Variants in RNF13 observed in about 807,000 individuals in gnomAD.
RNF13 encodes the protein ring finger protein 13, also known as E3 ubiquitin-protein ligase RNF13.
RNF13 carries 19 observed loss-of-function variants against 37.7 expected under a neutral mutation model. The observed-to-expected ratio is 0.50, with a 90% CI of 0.35 to 0.74. The LOEUF (loss-of-function observed/expected upper bound fraction) is 0.74, where lower values mean the gene tolerates loss of function less well. RNF13 is among the 30% of genes least tolerant of loss of function. The pLI, the probability that RNF13 is intolerant of heterozygous loss-of-function variation, is 0.01. For missense variants in RNF13, 375 were observed against 453.0 expected (o/e 0.83, Z 1.56); for synonymous variants, 144 against 157.8 (o/e 0.91, Z 0.65).
At chr3:149,939,879 G>A in intron 8 of RNF13, 1 of 415,508 alleles carries the variant, frequency 2.4e-6, no homozygotes, top group African/African-American at 2.0e-5. Flanking sequence ...CGCGCAGGAT[G>A]GAATCACACC....
chr3:149,843,977 C>T (rs1315063554), intron 1 of RNF13, among the ~76,000 whole-genome samples: 1 of 152,170 alleles, frequency 6.6e-6, no homozygotes, highest in African/African-American at 2.4e-5. Context: ...ATTTTCCCTC[C>T]AAACTCTGTC....
chr3:149,961,797 T>A lies in RNF13; in HGVS notation c.*693T>A, dbSNP rs966075978. The A allele has an allele frequency of 6.5e-6, 1 of 153,464 alleles. No homozygotes were observed. The highest frequency in any genetic ancestry group is 1.5e-5 in the Non-Finnish European group (1 of 68,702). 9.5% of individuals were successfully genotyped at this position (153,464 alleles called of 1,614,324 possible). A position where few individuals can be genotyped will look rare whatever the true frequency, so the allele number is the denominator to read the frequency against. On this transcript the variant is annotated 3_prime_UTR_variant, in exon 10 of 10. Transcript: ENST00000392894. ...TGTCCTTAAGGGTTCTGTAGTGTTA[T>A]CAAAGCAAAAAGAAAATGCTGCATA...
intron 1 of RNF13, among the ~76,000 whole-genome samples, chr3:149,835,418 A>C: frequency 6.6e-6 from 1 of 151,434 alleles, no homozygotes; most frequent in Admixed American, 6.6e-5. Context: ...ATACACCTTC[A>C]CCCCCTCCTA....
rs779373816 is a variant in RNF13, at chr3:149,855,763, TA to T, written c.195+3169del. On this transcript the variant is annotated intron_variant, in intron 3 of 9. Coordinates refer to ENST00000392894, the MANE Select transcript of RNF13 (RefSeq NM_183381.3). Reference sequence around the variant, plus strand: ...CAAATTACCTTTGCAAAGGCTGTGCTAATTTATTCCCATTAACACTGTAGGA... The same window carrying T: ...CAAATTACCTTTGCAAAGGCTGTGCTATTTATTCCCATTAACACTGTAGGA... 4.1e-4 allele frequency among the ~76,000 whole-genome samples: 63 copies of T among 152,098 alleles called. 1 individual carries two copies. The highest frequency in any genetic ancestry group is 2.2e-4 in the Non-Finnish European group (15 of 67,992).
At chr3:149,835,633 T>TTTTG (rs1553751498) in intron 1 of RNF13, among the ~76,000 whole-genome samples, 1 of 138,746 alleles carries the variant, frequency 7.2e-6, no homozygotes, top group Non-Finnish European at 1.6e-5. Flanking sequence ...TAGTATTCCA[T>TTTTG]TGTGTGTGTG....
intron 6 of RNF13, among the ~76,000 whole-genome samples, chr3:149,905,824 T>G (rs1342420123): frequency 2.6e-5 from 4 of 152,224 alleles, no homozygotes; most frequent in African/African-American, 9.6e-5. Flanking sequence ...AACAATTTTA[T>G]TAAGATATAT....
chr3:149,831,269 A>G (rs1456506124), intron 1 of RNF13, among the ~76,000 whole-genome samples: 33 of 152,244 alleles, frequency 2.2e-4, no homozygotes, highest in African/African-American at 7.7e-4. Context: ...CTTGCACCAC[A>G]TGCCTGGAAA....
intron 5 of RNF13, among the ~76,000 whole-genome samples, chr3:149,896,758 C>T (rs926136060): frequency 7.9e-5 from 12 of 152,076 alleles, no homozygotes; most frequent in African/African-American, 1.9e-4. Context: ...GGATTACATT[C>T]GTGGGCCACC....
chr3:149,929,194 G>T (rs568370738), intron 8 of RNF13, among the ~76,000 whole-genome samples: 32 of 152,162 alleles, frequency 2.1e-4, no homozygotes, highest in Non-Finnish European at 4.4e-4. Flanking sequence ...GTTCCACATT[G>T]CTGGAGAAGC....
chr3:149,914,976 ATTG>A (rs1341722381), intron 7 of RNF13, among the ~76,000 whole-genome samples: 5 of 151,982 alleles, frequency 3.3e-5, no homozygotes, highest in East Asian at 1.9e-4. Context: ...ATGGATGTCT[ATTG>A]TTGTACCTCC....
chr3:149,865,703 T>C (rs1724743513), intron 3 of RNF13, among the ~76,000 whole-genome samples: 1 of 152,200 alleles, frequency 6.6e-6, no homozygotes, highest in East Asian at 1.9e-4. Flanking sequence ...AGATGAGCTT[T>C]CTCTCTGTCT....
intron 1 of RNF13, among the ~76,000 whole-genome samples, chr3:149,844,385 G>A (rs1722448986): frequency 6.6e-6 from 1 of 152,206 alleles, no homozygotes; most frequent in East Asian, 1.9e-4. Flanking sequence ...CCTCAAGCAA[G>A]TTGTGACAAC....
chr3:149,946,105 G>A (rs757056918), intron 8 of RNF13, among the ~76,000 whole-genome samples: 1 of 152,196 alleles, frequency 6.6e-6, no homozygotes, highest in Non-Finnish European at 1.5e-5. Context: ...GGCTTCAGAC[G>A]ATCAAATTTC....
At chr3:149,876,586 T>G (rs1712724676) in intron 4 of RNF13, among the ~76,000 whole-genome samples, 1 of 152,038 alleles carries the variant, frequency 6.6e-6, no homozygotes. Context: ...CTCGTAAGAA[T>G]TTACAAGTCC....
At chr3:149,854,014 T>C (rs1311859734) in intron 3 of RNF13, among the ~76,000 whole-genome samples, 1 of 151,898 alleles carries the variant, frequency 6.6e-6, no homozygotes, top group Non-Finnish European at 1.5e-5. Context: ...TTTGTATTTT[T>C]ATGTAGAGAT....
At chr3:149,945,965 GA>G (rs1480011191) in intron 8 of RNF13, among the ~76,000 whole-genome samples, 1 of 152,114 alleles carries the variant, frequency 6.6e-6, no homozygotes, top group African/African-American at 2.4e-5. Flanking sequence ...CAAAGATGGG[GA>G]AAAAACAGAG....
intron 3 of RNF13, among the ~76,000 whole-genome samples, chr3:149,865,654 T>C (rs1158937239): frequency 6.6e-6 from 1 of 152,126 alleles, no homozygotes; most frequent in African/African-American, 2.4e-5. Flanking sequence ...TTTGTATTTT[T>C]GTAATTTTGT....
At chr3:149,931,395 C>T (rs1719147293) in intron 8 of RNF13, among the ~76,000 whole-genome samples, 1 of 151,994 alleles carries the variant, frequency 6.6e-6, no homozygotes, top group South Asian at 2.1e-4. Flanking sequence ...TTGATTTGTT[C>T]AATTTTTATT....
chr3:149,919,289 T>C (rs1717877841), intron 7 of RNF13, among the ~76,000 whole-genome samples: 1 of 152,204 alleles, frequency 6.6e-6, no homozygotes, highest in South Asian at 2.1e-4. Context: ...GATATGTATG[T>C]GTATACCTGC....
Sources: allele counts gnomAD v4.1 joint callset (sites outside exome capture counted in the v4.1 genomes callset), GRCh38; gene constraint gnomAD v4.1.1; transcripts MANE v1.5; gene names NCBI Gene and HGNC (gene_info 2026-07-23, HGNC 2026-07-21).